Variants in SNAPC1 observed in about 807,000 individuals in gnomAD.
The protein encoded by SNAPC1 is snRNA-activating protein complex subunit 1.
SNAPC1 carries 42 observed loss-of-function variants against 50.1 expected under a neutral mutation model. The ratio of observed to expected loss-of-function variants is 0.84; its 90% CI spans 0.65 to 1.08. SNAPC1 has a LOEUF of 1.08. Ranked by LOEUF, SNAPC1 falls within the 50% of genes least tolerant of loss-of-function variation. The probability of loss-of-function intolerance (pLI) is 0.00; values close to 1 mark genes in which losing one functional copy is unlikely to be tolerated. For missense variants in SNAPC1, 477 were observed against 427.3 expected (o/e 1.12, Z -1.02); for synonymous variants, 164 against 144.2 (o/e 1.14, Z -0.98).
In SNAPC1 at chr14:61,766,861, C is replaced by T. The variant is rs1254111691; in HGVS notation, c.129-15C>T. 6.5e-7 allele frequency: 1 copy of T among 1,539,880 alleles called. No homozygotes were observed. The highest frequency in any genetic ancestry group is 1.1e-5 in the South Asian group (1 of 88,844). ...CACTTAATGAGTCGTAATATATTTTCTCTCTGTTTATTAGTGGCAGAATGA... is the reference window on the plus strand; with the variant it reads ...CACTTAATGAGTCGTAATATATTTTTTCTCTGTTTATTAGTGGCAGAATGA... On this transcript the variant is annotated splice_polypyrimidine_tract_variant and intron_variant, in intron 1 of 9. Transcript: ENST00000216294.
intron 9 of SNAPC1, among the ~76,000 whole-genome samples, chr14:61,794,633 C>T (rs1002466885): frequency 7.9e-5 from 12 of 152,254 alleles, no homozygotes; most frequent in Middle Eastern, 6.8e-3. Context: ...TGGTCTCGAT[C>T]CCCTGACCTC....
At position 61,795,528 on chromosome 14, in the gene SNAPC1, A is replaced by G. The variant is rs1039627602; in HGVS notation, c.*545A>G. 6.8e-4 allele frequency: 104 copies of G among 152,516 alleles called. No individual in the cohort carries two copies. Among genetic ancestry groups the G allele is most frequent in the African/African-American group, 2.4e-3 (101 of 41,526 alleles). The allele number at this position is 152,516 out of a possible 1,614,324, so 9.4% of individuals were successfully genotyped here. On this transcript the variant is annotated 3_prime_UTR_variant, in exon 10 of 10. Transcript: ENST00000216294. Reference sequence around the variant, plus strand: ...TGATTGATAACTTAGGAAGTTCACAATGTATTTTCTACTTCTGCAATTAAA... The same window carrying G: ...TGATTGATAACTTAGGAAGTTCACAGTGTATTTTCTACTTCTGCAATTAAA...
chr14:61,791,093 C>T (rs1447305292), intron 8 of SNAPC1, among the ~76,000 whole-genome samples: 2 of 152,170 alleles, frequency 1.3e-5, no homozygotes, highest in Non-Finnish European at 2.9e-5. Flanking sequence ...CTCACTGCAA[C>T]CTCCGCCTCC....
intron 4 of SNAPC1, among the ~76,000 whole-genome samples, chr14:61,773,330 A>G (rs1306027106): frequency 6.6e-6 from 1 of 151,516 alleles, no homozygotes; most frequent in Non-Finnish European, 1.5e-5. Flanking sequence ...GAACTATGCT[A>G]GATGTTTTAT....
chr14:61,792,759 T>G, intron 8 of SNAPC1, 48 bp from the exon 9 acceptor site: 1 of 1,072,012 alleles, frequency 9.3e-7, no homozygotes, highest in East Asian at 2.6e-5. Flanking sequence ...TCTCAAAGAT[T>G]ATAATATTCT....
chr14:61,782,422 A>AT (rs1314481236), intron 8 of SNAPC1, 25 bp downstream of exon 8: 1 of 1,581,110 alleles, frequency 6.3e-7, no homozygotes, highest in Non-Finnish European at 8.6e-7. Flanking sequence ...TCTTACTAAG[A>AT]TTCAACAAAG....
At position 61,796,146 on chromosome 14, in the gene SNAPC1, T is replaced by G. The variant is rs570504282; in HGVS notation, c.*1163T>G. 1.6e-4 allele frequency: 24 copies of G among 152,186 alleles called. No individual in the cohort carries two copies. Among genetic ancestry groups the G allele is most frequent in the African/African-American group, 5.8e-4 (24 of 41,474 alleles). The allele number at this position is 152,186 out of a possible 1,614,324, so 9.4% of individuals were successfully genotyped here. On this transcript the variant is annotated 3_prime_UTR_variant, in exon 10 of 10. Transcript: ENST00000216294. ...GTCAGGAGATCGAGACCATCGTGAC[T>G]AACACAGTGAAACCCCGTCTCTAAT...
intron 8 of SNAPC1, among the ~76,000 whole-genome samples, chr14:61,788,405 C>T (rs2045129716): frequency 6.6e-6 from 1 of 152,132 alleles, no homozygotes; most frequent in South Asian, 2.1e-4. Context: ...GAGGAGCCTT[C>T]AGTTCCATAA....
intron 4 of SNAPC1, among the ~76,000 whole-genome samples, chr14:61,770,077 A>G (rs1054251877): frequency 2.6e-5 from 4 of 152,172 alleles, no homozygotes; most frequent in African/African-American, 9.7e-5. Flanking sequence ...TGATGCCTAA[A>G]TAGTGCTGAG....
chr14:61,792,595 G>A (rs2045160402), intron 8 of SNAPC1, among the ~76,000 whole-genome samples: 1 of 152,066 alleles, frequency 6.6e-6, no homozygotes, highest in African/African-American at 2.4e-5. Flanking sequence ...TCTAGTGGAA[G>A]AACTAGAGAC....
At chr14:61,792,137 T>A (rs914244693) in intron 8 of SNAPC1, among the ~76,000 whole-genome samples, 4 of 149,610 alleles carry the variant, frequency 2.7e-5, no homozygotes, top group African/African-American at 9.9e-5. Flanking sequence ...ATATAACATA[T>A]CAAATGATAA....
At chr14:61,790,126 G>A (rs957103382) in intron 8 of SNAPC1, among the ~76,000 whole-genome samples, 2 of 152,178 alleles carry the variant, frequency 1.3e-5, no homozygotes, top group African/African-American at 2.4e-5. Context: ...TCATTGGGGG[G>A]AGAATTCGCT....
At chr14:61,775,985 T>C in intron 4 of SNAPC1, 110 bp from the exon 5 acceptor site, 1 of 708,388 alleles carries the variant, frequency 1.4e-6, no homozygotes, top group East Asian at 2.8e-5. Context: ...TAGCATGTTA[T>C]TACCTATCAA....
chr14:61,776,248 A>G lies in SNAPC1; in HGVS notation c.688A>G (p.Arg230Gly). 6.2e-7 allele frequency: 1 copy of G among 1,610,994 alleles called. No homozygotes were observed. The highest frequency in any genetic ancestry group is 1.1e-5 in the South Asian group (1 of 90,466). Reference protein sequence around the residue: ...VLEHQQWHKDRKNPSLKSKTN... With the variant: ...VLEHQQWHKDGKNPSLKSKTN... ...GGAGCATCAGCAGTGGCACAAAGAC[A>G]GAAAGGTATGCAATCACTTGTTTGG... is the stretch of plus-strand genomic sequence containing the variant. Residue 230 changes from arginine to glycine, a missense_variant, in exon 5 of 10, where the codon AGA becomes GGA. Coordinates refer to ENST00000216294, the MANE Select transcript of SNAPC1 (RefSeq NM_003082.4).
chr14:61,764,824 T>C (rs1262713658), intron 1 of SNAPC1, among the ~76,000 whole-genome samples: 1 of 152,222 alleles, frequency 6.6e-6, no homozygotes, highest in Non-Finnish European at 1.5e-5. Context: ...AGAGTAGGCA[T>C]TTTGTATTCT....
Position 61,795,623 on chromosome 14 carries a change from A to G in SNAPC1, c.*640A>G, listed in dbSNP as rs559222685. ...CTAACAAGTACTTAAATACTAATGT[A>G]TTAAGTATTTAAGTACTTTCTAATA... On this transcript the variant is annotated 3_prime_UTR_variant, in exon 10 of 10. Coordinates refer to ENST00000216294, the MANE Select transcript of SNAPC1 (RefSeq NM_003082.4). 1 of 152,284 alleles carries G rather than the reference A, an allele frequency of 6.6e-6. No homozygotes were observed. Among genetic ancestry groups the G allele is most frequent in the East Asian group, 1.9e-4 (1 of 5,186 alleles). The allele number at this position is 152,284 out of a possible 1,614,324, so 9.4% of individuals were successfully genotyped here.
chr14:61,795,829 A>G lies in SNAPC1; in HGVS notation c.*846A>G, dbSNP rs561382132. On this transcript the variant is annotated 3_prime_UTR_variant, in exon 10 of 10. Transcript: ENST00000216294. ...TTTGAATTGCTGCCAATAGCAGACCATATCCCTATCATGTTGTTGGCTCAA... is the reference window on the plus strand; with the variant it reads ...TTTGAATTGCTGCCAATAGCAGACCGTATCCCTATCATGTTGTTGGCTCAA... 1.7e-4 allele frequency: 26 copies of G among 150,588 alleles called. No individual in the cohort carries two copies. Among genetic ancestry groups the G allele is most frequent in the Admixed American group, 8.6e-4 (13 of 15,100 alleles). 9.3% of individuals were successfully genotyped at this position (150,588 alleles called of 1,614,324 possible).
At position 61,762,426 on chromosome 14, in the gene SNAPC1, G is replaced by GTGCGGGCTTCGGAGGCT; in HGVS notation, c.-19_-18insTTGCGGGCTTCGGAGGC. ...CACCGCTGGCTAGTCCGTTAGAGGC[G>GTGCGGGCTTCGGAGGCT]TGCGGGCTTCGGAGGCGTGCGGGCT... On this transcript the variant is annotated 5_prime_UTR_variant, in exon 1 of 10. Transcript: ENST00000216294. 1.9e-6 allele frequency: 3 copies of GTGCGGGCTTCGGAGGCT among 1,604,704 alleles called. No homozygotes were observed. Among genetic ancestry groups the GTGCGGGCTTCGGAGGCT allele is most frequent in the Non-Finnish European group, 2.5e-6 (3 of 1,177,396 alleles).
rs543956231 is a variant in SNAPC1, at chr14:61,774,774, C to T, written c.535-1321C>T. On this transcript the variant is annotated intron_variant, in intron 4 of 9. Coordinates refer to ENST00000216294, the MANE Select transcript of SNAPC1 (RefSeq NM_003082.4). ...TGCCTCCCAGGTTCCAGTGATTCTCCTGCCTCAGCCTCCCGAGTAGCTGGG... is the reference window on the plus strand; with the variant it reads ...TGCCTCCCAGGTTCCAGTGATTCTCTTGCCTCAGCCTCCCGAGTAGCTGGG... Among the ~76,000 whole-genome samples the T allele has an allele frequency of 3.7e-4, 55 of 149,844 alleles. 1 individual carries two copies. The highest frequency in any genetic ancestry group is 1.3e-3 in the African/African-American group (52 of 40,690).
Sources: gnomAD v4.1 joint callset for allele counts (sites outside exome capture counted in the v4.1 genomes callset) on GRCh38, gnomAD v4.1.1 for gene constraint, MANE v1.5 for transcripts, NCBI Gene and HGNC (gene_info 2026-07-23, HGNC 2026-07-21) for gene names.